Variants in NOXA1 observed in about 807,000 individuals in gnomAD.
NOXA1 encodes NADPH oxidase activator 1.
NOXA1 carries 56 observed loss-of-function variants against 64.8 expected under a neutral mutation model. That is an observed-to-expected ratio of 0.86 (90% CI 0.70 to 1.08). The LOEUF (loss-of-function observed/expected upper bound fraction) is 1.08, where lower values mean the gene tolerates loss of function less well. Among genes scored for constraint, NOXA1 ranks in the 50% least tolerant of loss-of-function variants. The probability of loss-of-function intolerance (pLI) is 0.00; values close to 1 mark genes in which losing one functional copy is unlikely to be tolerated. For missense variants in NOXA1, 668 were observed against 658.5 expected, an observed-to-expected ratio of 1.01 and a Z score of -0.16; for synonymous variants, 295 against 294.8, an observed-to-expected ratio of 1.00 and a Z score of -0.01.
intron 11 of NOXA1, 49 bp downstream of exon 11, chr9:137,433,656 GAC>G: frequency 6.6e-7 from 1 of 1,519,564 alleles, no homozygotes; most frequent in Non-Finnish European, 8.9e-7. Flanking sequence ...GCACCGCCCC[GAC>G]TGAGGCAGCT....
At position 137,423,714 on chromosome 9, in the gene NOXA1, G is replaced by A. The variant is rs1838681720; in HGVS notation, c.177+8G>A. On this transcript the variant is annotated splice_region_variant and intron_variant, in intron 1 of 13. Coordinates refer to ENST00000683555, the MANE Select transcript of NOXA1 (RefSeq NM_001256067.2). ...CCCGAGGCCGCGCTGCGGGTGAGCG[G>A]GGCGTGGGGAGGCCGGTGCGGGCGA... The A allele has an allele frequency of 1.6e-6, 2 of 1,278,002 alleles. No individual in the cohort carries two copies. Among genetic ancestry groups the A allele is most frequent in the Non-Finnish European group, 2.0e-6 (2 of 1,015,338 alleles). The allele number at this position is 1,278,002 out of a possible 1,614,324, so 79.2% of individuals were successfully genotyped here. A position where few individuals can be genotyped will look rare whatever the true frequency, so the allele number is the denominator to read the frequency against.
At position 137,433,736 on chromosome 9, in the gene NOXA1, G is replaced by A. The variant is rs1309281471; in HGVS notation, c.1065-14G>A. On this transcript the variant is annotated splice_polypyrimidine_tract_variant and intron_variant, in intron 11 of 13. Coordinates refer to ENST00000683555, the MANE Select transcript of NOXA1 (RefSeq NM_001256067.2). The stretch of plus-strand genomic sequence containing the variant: ...CCCCACCCAGGAGGCCCCCTCTGAG[G>A]AATCTCTTTGCAGTTACCTAGCCCC... 9.6e-6 allele frequency: 14 copies of A among 1,464,562 alleles called. No individual in the cohort carries two copies. The highest frequency in any genetic ancestry group is 1.3e-5 in the Non-Finnish European group (14 of 1,102,036). 90.7% of individuals were successfully genotyped at this position (1,464,562 alleles called of 1,614,324 possible).
rs771279656 is a variant in NOXA1, at chr9:137,433,252, G to T, written c.898G>T (p.Ala300Ser). The T allele has an allele frequency of 2.4e-5, 38 of 1,591,692 alleles. No homozygotes were observed. Among genetic ancestry groups the T allele is most frequent in the Admixed American group, 5.4e-5 (3 of 55,558 alleles). ...GPGPGPCEDP[A>S]GAGGAGAGGS... ...TGGCCCCGGCCCCTGTGAGGACCCC[G>T]CGGGTGCTGGGGTAAGAGGCTCTAG... The change falls in exon 10 of 14, where the codon GCG becomes TCG. Residue 300 changes from alanine to serine, a missense_variant. Coordinates refer to ENST00000683555, the MANE Select transcript of NOXA1 (RefSeq NM_001256067.2).
intron 3 of NOXA1, 80 bp downstream of exon 3, chr9:137,428,221 G>T (rs1564236883): frequency 9.7e-7 from 1 of 1,031,258 alleles, no homozygotes. Flanking sequence ...GGGCCCTGTG[G>T]ACTGGGGAGC....
At chr9:137,423,767 G>T in intron 1 of NOXA1, 61 bp downstream of exon 1, 1 of 1,180,856 alleles carries the variant, frequency 8.5e-7, no homozygotes, top group Non-Finnish European at 1.1e-6. Context: ...CCTGGGGAGG[G>T]CCCAGCGCCC....
At chr9:137,433,386 G>T in intron 10 of NOXA1, 67 bp from the exon 11 acceptor site, 1 of 1,525,958 alleles carries the variant, frequency 6.6e-7, no homozygotes, top group Non-Finnish European at 8.8e-7. Flanking sequence ...CACCCCTCGG[G>T]CTGAAGACGG....
intron 1 of NOXA1, among the ~76,000 whole-genome samples, chr9:137,425,697 T>C (rs1259580686): frequency 6.6e-6 from 1 of 152,082 alleles, no homozygotes; most frequent in Non-Finnish European, 1.5e-5. Context: ...GTAATGCAGT[T>C]CTTTAGCTGC....
In NOXA1 at chr9:137,426,244, C is replaced by G; in HGVS notation, c.178-4C>G. On this transcript the variant is annotated splice_region_variant and splice_polypyrimidine_tract_variant and intron_variant, in intron 1 of 13. Transcript: ENST00000683555. ...TGGCATCCCGTGGGCATTTTTGTCC[C>G]CAGGCATTTGACCAAGCCGTGACCA... is the stretch of plus-strand genomic sequence containing the variant. The G allele has an allele frequency of 6.2e-7, 1 of 1,613,632 alleles. No homozygotes were observed. The highest frequency in any genetic ancestry group is 1.1e-5 in the South Asian group (1 of 91,080).
chr9:137,430,925 C>T lies in NOXA1; in HGVS notation c.672+82C>T, dbSNP rs1588467590. 2.6e-6 allele frequency: 4 copies of T among 1,550,586 alleles called. No individual in the cohort carries two copies. In the East Asian group the frequency reaches 6.8e-5, roughly 26 times the overall value. ...AAATGCTGCACAAGCTCTGAGCCCT[C>T]CTGGGGCTGCGAAGTTCCTCTGATG... is the stretch of plus-strand genomic sequence containing the variant. On this transcript the variant is annotated intron_variant, in intron 6 of 13. Transcript: ENST00000683555.
At chr9:137,429,452 T>G (rs1275136760) in intron 5 of NOXA1, 69 bp downstream of exon 5, 1 of 1,155,910 alleles carries the variant, frequency 8.7e-7, no homozygotes, top group African/African-American at 1.5e-5. Context: ...TTCCCAGGGA[T>G]GGGGGGAGGT....
Position 137,431,060 on chromosome 9 carries a change from G to A in NOXA1, c.673-15G>A. 1.2e-6 allele frequency: 2 copies of A among 1,613,304 alleles called. No individual in the cohort carries two copies. On this transcript the variant is annotated splice_polypyrimidine_tract_variant and intron_variant, in intron 6 of 13. Transcript: ENST00000683555. The surrounding 1 kb of genome is among the most constrained non-coding windows in gnomAD (Gnocchi z 5.6). ...GACCCTTAACCAGAGCGAGGTTGTT[G>A]CTTTGTGTCCACAGGGACCAGGAGC...
intron 2 of NOXA1, 132 bp from the exon 3 acceptor site, chr9:137,427,901 A>G: frequency 3.1e-6 from 2 of 635,566 alleles, no homozygotes; most frequent in Non-Finnish European, 5.6e-6. Flanking sequence ...AGACCTAGGC[A>G]CCGCACTGCC....
chr9:137,432,914 C>A, intron 8 of NOXA1, 115 bp from the exon 9 acceptor site: 1 of 1,162,556 alleles, frequency 8.6e-7, no homozygotes. Context: ...CACAGACCAC[C>A]TGCTGGGTGC....
rs750089298 is a variant in NOXA1 at position 137,431,353 on chromosome 9, T to G, written c.804+12T>G. On this transcript the variant is annotated intron_variant, in intron 8 of 13. Transcript: ENST00000683555. The surrounding 1 kb of genome is among the most constrained non-coding windows in gnomAD (Gnocchi z 5.6). ...CCTACCAGGAGCAGGTGCGTGGGCC[T>G]GGGCCTCTTCCCCTGCTGGGGGTCG... is the stretch of plus-strand genomic sequence containing the variant. The G allele has an allele frequency of 6.2e-7, 1 of 1,600,318 alleles. No homozygotes were observed. The highest frequency in any genetic ancestry group is 2.2e-5 in the East Asian group (1 of 44,814).
intron 4 of NOXA1, 108 bp from the exon 5 acceptor site, chr9:137,429,168 G>A: frequency 3.0e-6 from 4 of 1,322,618 alleles, no homozygotes; most frequent in Non-Finnish European, 4.1e-6. Context: ...CTGCGGGAAG[G>A]GGGTGGGGGG....
chr9:137,433,626 G>T lies in NOXA1; in HGVS notation c.1064+19G>T. Reference sequence around the variant, plus strand: ...AACTCAGGTGGGCCAGAAAGCCCCCGGTGGCTGCGGTGGAGCTGGGCACCG... The same window carrying T: ...AACTCAGGTGGGCCAGAAAGCCCCCTGTGGCTGCGGTGGAGCTGGGCACCG... On this transcript the variant is annotated intron_variant, in intron 11 of 13. Transcript: ENST00000683555. The T allele has an allele frequency of 6.5e-7, 1 of 1,533,276 alleles. No individual in the cohort carries two copies. The allele number at this position is 1,533,276 out of a possible 1,614,324, so 95.0% of individuals were successfully genotyped here.
At chr9:137,434,114 T>G (rs1431687318) in intron 13 of NOXA1, 35 bp downstream of exon 13, 5 of 1,584,088 alleles carry the variant, frequency 3.2e-6, no homozygotes, top group African/African-American at 1.3e-5. Flanking sequence ...GGCAGCACCG[T>G]GGTGCCCGGG....
At chr9:137,429,745 T>A (rs1000026528) in intron 5 of NOXA1, among the ~76,000 whole-genome samples, 9 of 148,006 alleles carry the variant, frequency 6.1e-5, no homozygotes, top group African/African-American at 2.3e-4. Flanking sequence ...TCTCCCTGTG[T>A]CCCTGCCACA....
chr9:137,433,781 G>A lies in NOXA1; in HGVS notation c.1096G>A (p.Val366Ile). 6.9e-7 allele frequency: 1 copy of A among 1,455,410 alleles called. No homozygotes were observed. The highest frequency in any genetic ancestry group is 1.4e-5 in the South Asian group (1 of 68,998). 90.2% of individuals were successfully genotyped at this position (1,455,410 alleles called of 1,614,324 possible). Residue 366 changes from valine (V) to isoleucine (I), a missense_variant, in exon 12 of 14, where the codon GTC becomes ATC. Coordinates refer to ENST00000683555, the MANE Select transcript of NOXA1 (RefSeq NM_001256067.2). ...YLAPGEDGHWVPIPEEESLQR... is the reference protein window; with the variant it reads ...YLAPGEDGHWIPIPEEESLQR... ...AGCCCCAGGTGAGGACGGGCACTGG[G>A]TCCCCATCCCCGAGGAGGAGTCGCT...
Sources: allele counts gnomAD v4.1 joint callset (sites outside exome capture counted in the v4.1 genomes callset), GRCh38; gene constraint gnomAD v4.1.1; non-coding constraint Gnocchi (gnomAD v3.1); transcripts MANE v1.5; gene names NCBI Gene and HGNC (gene_info 2026-07-23, HGNC 2026-07-21).